Variants in RFX1 observed in about 807,000 individuals in gnomAD.
RFX1 encodes MHC class II regulatory factor RFX1.
RFX1 carries 42 observed loss-of-function variants against 119.6 expected under a neutral mutation model. The ratio of observed to expected loss-of-function variants is 0.35; its 90% CI spans 0.27 to 0.45. The LOEUF is 0.45. RFX1 is among the 20% of genes least tolerant of loss of function. The pLI, the probability that RFX1 is intolerant of heterozygous loss-of-function variation, is 1.00. For synonymous variants in RFX1, 628 were observed against 618.5 expected (o/e 1.02, Z -0.23); for missense variants, 1,118 against 1,368.1 (o/e 0.82, Z 2.88).
rs535515179 is a variant in RFX1, at chr19:13,965,265, C to T, written c.2211+184G>A. ...GGGGTTGCATTTCAGAAGTGGGTGC[C>T]TGAGGACACTGGTTTATAAAGACAA... On this transcript the variant is annotated intron_variant, in intron 16 of 20. Coordinates refer to ENST00000254325, the MANE Select transcript of RFX1 (RefSeq NM_002918.5). This position sits in a 1 kb window ranked among gnomAD's most constrained non-coding sequence, Gnocchi z 4.7. 3.9e-5 allele frequency among the ~76,000 whole-genome samples: 6 copies of T among 152,250 alleles called. No homozygotes were observed. The highest frequency in any genetic ancestry group is 1.4e-4 in the African/African-American group (6 of 41,536).
intron 2 of RFX1, among the ~76,000 whole-genome samples, chr19:13,987,889 ACCCT>A (rs1974657967): frequency 6.6e-6 from 1 of 151,992 alleles, no homozygotes; most frequent in South Asian, 2.1e-4. Context: ...GGTACAGAGT[ACCCT>A]CCTGGGAACA....
intron 8 of RFX1, 118 bp downstream of exon 8, chr19:13,977,874 G>C (rs1003771917): frequency 4.0e-6 from 3 of 744,158 alleles, no homozygotes; most frequent in Non-Finnish European, 6.7e-6. Flanking sequence ...TCTGTCACCT[G>C]AGGCCTTGAA....
rs755271765 is a variant in RFX1 at position 13,983,481 on chromosome 19, C to A, written c.429+5G>T. ...CCCCCACCCCCTGGGAGGGCCACAT[C>A]CTACCTGCTGGGTGCCCTGCACCTG... On this transcript the variant is annotated splice_donor_5th_base_variant and intron_variant, in intron 3 of 20. Coordinates refer to ENST00000254325, the MANE Select transcript of RFX1 (RefSeq NM_002918.5). 1.2e-5 allele frequency: 19 copies of A among 1,598,002 alleles called. No homozygotes were observed. The Middle Eastern group carries it at 4.9e-4, about 42-fold the overall frequency.
chr19:14,003,290 GC>G lies in RFX1; in HGVS notation c.-53+2812del, dbSNP rs1000032415. Among the ~76,000 whole-genome samples, 202 of 149,820 alleles carry G rather than the reference GC, an allele frequency of 1.3e-3. 2 individuals carry two copies. Among genetic ancestry groups the G allele is most frequent in the African/African-American group, 4.6e-3 (183 of 39,668 alleles). ...CACCCAAATTGAGCCACTGTGCCCG[GC>G]CAGGATTTTTCTTTCTAGTGACTCT... On this transcript the variant is annotated intron_variant, in intron 1 of 20. Coordinates refer to ENST00000254325, the MANE Select transcript of RFX1 (RefSeq NM_002918.5).
chr19:14,001,933 C>T (rs1039064881), intron 1 of RFX1, among the ~76,000 whole-genome samples: 3 of 152,104 alleles, frequency 2.0e-5, no homozygotes, highest in Admixed American at 6.5e-5. Context: ...GTCAGGAGTT[C>T]GACACCAGCC....
At position 13,961,784 on chromosome 19, in the gene RFX1, G is replaced by C. The variant is rs1973671585; in HGVS notation, c.*911C>G. ...GCCATAAACATCTATCTCACAGGCT[G>C]AAAACACTGAGAAAACTGGAACAGA... On this transcript the variant is annotated 3_prime_UTR_variant, in exon 21 of 21. Coordinates refer to ENST00000254325, the MANE Select transcript of RFX1 (RefSeq NM_002918.5). The C allele has an allele frequency of 6.6e-6, 1 of 152,248 alleles. No homozygotes were observed. Among genetic ancestry groups the C allele is most frequent in the African/African-American group, 2.4e-5 (1 of 41,408 alleles). 9.4% of individuals were successfully genotyped at this position (152,248 alleles called of 1,614,324 possible). A position where few individuals can be genotyped will look rare whatever the true frequency, so the allele number is the denominator to read the frequency against.
At chr19:14,001,094 G>A (rs1322944766) in intron 1 of RFX1, among the ~76,000 whole-genome samples, 1 of 151,982 alleles carries the variant, frequency 6.6e-6, no homozygotes, top group African/African-American at 2.4e-5. Flanking sequence ...AAAAAATGCT[G>A]CAGATCCATT....
At chr19:13,987,278 C>A (rs930818159) in intron 2 of RFX1, among the ~76,000 whole-genome samples, 1 of 152,078 alleles carries the variant, frequency 6.6e-6, no homozygotes, top group African/African-American at 2.4e-5. Flanking sequence ...ATTTATGGAT[C>A]TAGTATTGTT....
intron 9 of RFX1, among the ~76,000 whole-genome samples, chr19:13,970,528 C>T (rs1384085965): frequency 6.6e-6 from 1 of 151,596 alleles, no homozygotes; most frequent in East Asian, 1.9e-4. Flanking sequence ...TAGCTAGTGT[C>T]GTGGTGCACA....
chr19:13,970,695 A>T (rs1383548128), intron 9 of RFX1, among the ~76,000 whole-genome samples: 1 of 148,432 alleles, frequency 6.7e-6, no homozygotes, highest in East Asian at 1.9e-4. Flanking sequence ...AAAAAAAAAA[A>T]AATTAGCAGG....
intron 1 of RFX1, among the ~76,000 whole-genome samples, chr19:14,001,014 G>A (rs2145642572): frequency 6.6e-6 from 1 of 152,126 alleles, no homozygotes; most frequent in Non-Finnish European, 1.5e-5. Context: ...AGAATTGCTT[G>A]AACCCAGGAG....
Position 13,969,363 on chromosome 19 carries a change from A to T in RFX1, c.1497-469T>A, listed in dbSNP as rs1020721003. Among the ~76,000 whole-genome samples the T allele has an allele frequency of 1.3e-5, 2 of 152,108 alleles. No homozygotes were observed. The highest frequency in any genetic ancestry group is 6.6e-5 in the Admixed American group (1 of 15,254). On this transcript the variant is annotated intron_variant, in intron 10 of 20. Transcript: ENST00000254325. The surrounding 1 kb of genome is among the most constrained non-coding windows in gnomAD (Gnocchi z 4.5). ...AACTGAAATAAGTCATGTAAAAGGC[A>T]CGTGTGGGCCGGGCACGGTGGGGTC... is the stretch of plus-strand genomic sequence containing the variant.
chr19:13,987,368 G>C (rs1205497420), intron 2 of RFX1, among the ~76,000 whole-genome samples: 2 of 152,122 alleles, frequency 1.3e-5, no homozygotes. Flanking sequence ...CCGGGGCTGG[G>C]TGAGCTGTGT....
At chr19:13,972,128 C>T (rs1974102217) in intron 9 of RFX1, among the ~76,000 whole-genome samples, 1 of 147,470 alleles carries the variant, frequency 6.8e-6, no homozygotes, top group Non-Finnish European at 1.5e-5. Flanking sequence ...ATGATTACAG[C>T]ACTGTGCTTC....
chr19:13,965,889 G>T lies in RFX1; in HGVS notation c.1962-112C>A. The T allele has an allele frequency of 7.7e-7, 1 of 1,294,290 alleles. No homozygotes were observed. The highest frequency in any genetic ancestry group is 1.1e-6 in the Non-Finnish European group (1 of 929,546). The allele number at this position is 1,294,290 out of a possible 1,614,324, so 80.2% of individuals were successfully genotyped here. On this transcript the variant is annotated intron_variant, in intron 14 of 20. Transcript: ENST00000254325. This position sits in a 1 kb window ranked among gnomAD's most constrained non-coding sequence, Gnocchi z 4.7. ...TGACCCAGGGTCACTGGGGTACTCT[G>T]TGGTTCTACCCCCAGCATCAGAAGG... is the stretch of plus-strand genomic sequence containing the variant.
At chr19:13,999,233 A>C (rs1975133313) in intron 1 of RFX1, among the ~76,000 whole-genome samples, 1 of 152,200 alleles carries the variant, frequency 6.6e-6, no homozygotes, top group Admixed American at 6.6e-5. Context: ...CTGGCACACA[A>C]AACAAGGGAA....
chr19:13,983,613 C>G lies in RFX1; in HGVS notation c.320-18G>C, dbSNP rs1290654022. On this transcript the variant is annotated intron_variant, in intron 2 of 20. Coordinates refer to ENST00000254325, the MANE Select transcript of RFX1 (RefSeq NM_002918.5). ...GGCACCTTCTGTGGGGAGGGGCCAC[C>G]AGGTCAGTTCTTCCTGCTTTCCCTG... The G allele has an allele frequency of 6.4e-7, 1 of 1,567,794 alleles. No individual in the cohort carries two copies. The highest frequency in any genetic ancestry group is 1.8e-5 in the Admixed American group (1 of 55,976).
At chr19:13,983,638 G>T in intron 2 of RFX1, 43 bp from the exon 3 acceptor site, 2 of 1,492,676 alleles carry the variant, frequency 1.3e-6, no homozygotes, top group Non-Finnish European at 9.1e-7. Flanking sequence ...TGCTTTCCCT[G>T]CCCCCAGCCT....
In RFX1 at chr19:13,983,476, C is replaced by T; in HGVS notation, c.429+10G>A. On this transcript the variant is annotated intron_variant, in intron 3 of 20. Transcript: ENST00000254325. Reference sequence around the variant, plus strand: ...GCCCTCCCCCACCCCCTGGGAGGGCCACATCCTACCTGCTGGGTGCCCTGC... The same window carrying T: ...GCCCTCCCCCACCCCCTGGGAGGGCTACATCCTACCTGCTGGGTGCCCTGC... 6.3e-7 allele frequency: 1 copy of T among 1,590,506 alleles called. No individual in the cohort carries two copies. Among genetic ancestry groups the T allele is most frequent in the Admixed American group, 1.7e-5 (1 of 57,528 alleles).
Sources: allele counts gnomAD v4.1 joint callset (sites outside exome capture counted in the v4.1 genomes callset), GRCh38; gene constraint gnomAD v4.1.1; non-coding constraint Gnocchi (gnomAD v3.1); transcripts MANE v1.5; gene names NCBI Gene and HGNC (gene_info 2026-07-23, HGNC 2026-07-21).